Variants in HOOK1 observed in about 807,000 individuals in gnomAD.
HOOK1 encodes protein Hook homolog 1.
A neutral mutation model predicts 112.8 loss-of-function variants in HOOK1; 60 were observed. That is an observed-to-expected ratio of 0.53 (90% CI 0.43 to 0.66). The LOEUF (loss-of-function observed/expected upper bound fraction) is 0.66. Ranked by LOEUF, HOOK1 falls within the 30% of genes least tolerant of loss-of-function variation. HOOK1 has a pLI of 0.00. For missense variants in HOOK1, 770 were observed against 856.0 expected (o/e 0.90, Z 1.25); for synonymous variants, 294 against 283.8 (o/e 1.04, Z -0.36).
Position 59,868,233 on chromosome 1 carries a change from T to G in HOOK1, c.1846-17T>G, listed in dbSNP as rs1644000162. Reference sequence around the variant, plus strand: ...TTTAAAATATAAAGTGAACATAGTATTTTTTTCTTTAAACAGGTAATAAAA... The same window carrying G: ...TTTAAAATATAAAGTGAACATAGTAGTTTTTTCTTTAAACAGGTAATAAAA... On this transcript the variant is annotated splice_polypyrimidine_tract_variant and intron_variant, in intron 19 of 21. Coordinates refer to ENST00000371208, the MANE Select transcript of HOOK1 (RefSeq NM_015888.6). 7.5e-7 allele frequency: 1 copy of G among 1,335,846 alleles called. No individual in the cohort carries two copies. Among genetic ancestry groups the G allele is most frequent in the Non-Finnish European group, 1.1e-6 (1 of 933,746 alleles). The allele number at this position is 1,335,846 out of a possible 1,614,324, so 82.7% of individuals were successfully genotyped here.
At chr1:59,836,630 T>C (rs1420681504) in intron 6 of HOOK1, among the ~76,000 whole-genome samples, 2 of 152,190 alleles carry the variant, frequency 1.3e-5, no homozygotes, top group Non-Finnish European at 2.9e-5. Flanking sequence ...AGTACACAAG[T>C]ATTTTGAATA....
At chr1:59,848,616 C>G in intron 11 of HOOK1, 100 bp downstream of exon 11, 2 of 766,414 alleles carry the variant, frequency 2.6e-6, no homozygotes, top group Admixed American at 2.4e-5. Flanking sequence ...AGAAGCGTTG[C>G]ATGTAATAAG....
In HOOK1 at chr1:59,855,320, A is replaced by C. The variant is rs116406626; in HGVS notation, c.1243-3108A>C. The stretch of plus-strand genomic sequence containing the variant: ...TGCTCTCAAGTAAACCCCAGTGTCT[A>C]TTGCTCCCTTCTTTGTGTTCATGAG... On this transcript the variant is annotated intron_variant, in intron 12 of 21. Transcript: ENST00000371208. Among the ~76,000 whole-genome samples, 19 of 152,042 alleles carry C rather than the reference A, an allele frequency of 1.2e-4. No homozygotes were observed. In the South Asian group the frequency reaches 3.7e-3, roughly 30 times the overall value.
chr1:59,843,610 A>C lies in HOOK1; in HGVS notation c.788+12A>C. The C allele has an allele frequency of 6.3e-7, 1 of 1,588,234 alleles. No individual in the cohort carries two copies. The highest frequency in any genetic ancestry group is 8.6e-7 in the Non-Finnish European group (1 of 1,166,472). On this transcript the variant is annotated intron_variant, in intron 9 of 21. Coordinates refer to ENST00000371208, the MANE Select transcript of HOOK1 (RefSeq NM_015888.6). ...GAAGAAAACTTCAGGTAGCATTTTT[A>C]ATGGAAATCATTTTATGGAGTTCTG...
At chr1:59,869,898 G>A (rs1366954512) in intron 20 of HOOK1, among the ~76,000 whole-genome samples, 3 of 152,176 alleles carry the variant, frequency 2.0e-5, no homozygotes, top group Admixed American at 6.6e-5. Context: ...TCAAACTCAT[G>A]AATTTATTCC....
At chr1:59,822,510 C>A (rs926442603) in intron 2 of HOOK1, among the ~76,000 whole-genome samples, 3 of 152,070 alleles carry the variant, frequency 2.0e-5, no homozygotes, top group African/African-American at 4.8e-5. Context: ...TTAGGCTGGA[C>A]CCATTTTATG....
intron 12 of HOOK1, among the ~76,000 whole-genome samples, chr1:59,855,964 T>A (rs1180548583): frequency 3.0e-4 from 28 of 92,642 alleles, no homozygotes; most frequent in African/African-American, 1.3e-3. Flanking sequence ...ATATATAAAT[T>A]ATTATATATA....
chr1:59,854,756 T>C (rs2098409601), intron 12 of HOOK1, among the ~76,000 whole-genome samples: 1 of 152,230 alleles, frequency 6.6e-6, no homozygotes, highest in African/African-American at 2.4e-5. Flanking sequence ...GACTTTGATA[T>C]ATCCAGGTGT....
chr1:59,838,591 G>A (rs929186305), intron 7 of HOOK1, among the ~76,000 whole-genome samples: 6 of 152,214 alleles, frequency 3.9e-5, no homozygotes, highest in Middle Eastern at 3.4e-3. Context: ...GTAGATTCTG[G>A]ATATTAGCCC....
chr1:59,823,857 C>T (rs1171887137), intron 2 of HOOK1, among the ~76,000 whole-genome samples: 1 of 152,178 alleles, frequency 6.6e-6, no homozygotes, highest in Non-Finnish European at 1.5e-5. Flanking sequence ...AGCTTTTCTG[C>T]AGTAACAATA....
rs200242495 is a variant in HOOK1, at chr1:59,840,415, A to C, written c.621+24A>C. On this transcript the variant is annotated intron_variant, in intron 8 of 21. Coordinates refer to ENST00000371208, the MANE Select transcript of HOOK1 (RefSeq NM_015888.6). ...AGGTACGGGAAAAAACCCTGAGCTG[A>C]GAAAAACTTCCTCTTTAAGTTTACA... 1.2e-5 allele frequency: 18 copies of C among 1,455,590 alleles called. No individual in the cohort carries two copies. In the South Asian group the frequency reaches 2.4e-4, roughly 20 times the overall value. The allele number at this position is 1,455,590 out of a possible 1,614,324, so 90.2% of individuals were successfully genotyped here.
At chr1:59,832,485 A>G (rs536942342) in intron 4 of HOOK1, among the ~76,000 whole-genome samples, 3 of 152,276 alleles carry the variant, frequency 2.0e-5, no homozygotes, top group South Asian at 4.1e-4. Context: ...ATTTTGTGCA[A>G]TACTATAAAG....
intron 16 of HOOK1, chr1:59,863,937 T>G (rs2098414927): frequency 2.0e-6 from 1 of 502,092 alleles, no homozygotes; most frequent in African/African-American, 2.1e-5. Flanking sequence ...AATGAGGTAT[T>G]TTGCAGGGAG....
chr1:59,832,504 ATAAT>A (rs1301338276), intron 4 of HOOK1, among the ~76,000 whole-genome samples: 1 of 152,188 alleles, frequency 6.6e-6, no homozygotes, highest in Non-Finnish European at 1.5e-5. Flanking sequence ...AGTAGACTTT[ATAAT>A]TAATTGAAAT....
intron 7 of HOOK1, among the ~76,000 whole-genome samples, chr1:59,839,150 C>G (rs2098399606): frequency 6.6e-6 from 1 of 152,144 alleles, no homozygotes; most frequent in African/African-American, 2.4e-5. Context: ...CAGCTTTGTT[C>G]TTCTTGCACA....
At chr1:59,831,067 A>G (rs1336035770) in intron 3 of HOOK1, among the ~76,000 whole-genome samples, 1 of 151,736 alleles carries the variant, frequency 6.6e-6, no homozygotes, top group African/African-American at 2.4e-5. Flanking sequence ...TGCCTGGCTA[A>G]TTTTTGTATT....
chr1:59,824,335 G>A (rs537989949), intron 2 of HOOK1, among the ~76,000 whole-genome samples: 45 of 152,010 alleles, frequency 3.0e-4, no homozygotes, highest in African/African-American at 8.9e-4. Context: ...AGCCTCCTCA[G>A]TAGCTGGGAT....
intron 8 of HOOK1, among the ~76,000 whole-genome samples, chr1:59,840,853 GTA>G (rs1279789468): frequency 6.6e-6 from 1 of 152,022 alleles, no homozygotes; most frequent in African/African-American, 2.4e-5. Flanking sequence ...ATAAACGTGT[GTA>G]TATAATCTTG....
chr1:59,822,029 T>G (rs772765015), intron 2 of HOOK1, 86 bp downstream of exon 2: 2 of 1,035,314 alleles, frequency 1.9e-6, no homozygotes, highest in Non-Finnish European at 3.0e-6. Flanking sequence ...TTCCAAAGGT[T>G]GTTGCAACTT....
Sources: allele counts gnomAD v4.1 joint callset (sites outside exome capture counted in the v4.1 genomes callset), GRCh38; gene constraint gnomAD v4.1.1; transcripts MANE v1.5; gene names NCBI Gene and HGNC (gene_info 2026-07-23, HGNC 2026-07-21).